Variants in CAMKMT observed in about 807,000 individuals in gnomAD.
The protein encoded by CAMKMT is CaM KMT.
Under a neutral mutation model 48.0 loss-of-function variants are expected in CAMKMT, and 53 were observed. That is an observed-to-expected ratio of 1.10 (90% confidence interval 0.89 to 1.39). CAMKMT has a LOEUF of 1.39. Among genes scored for constraint, CAMKMT ranks in the 40% most tolerant of loss-of-function variants. The pLI is 0.00. For missense variants in CAMKMT, 428 were observed against 402.7 expected, an observed-to-expected ratio of 1.06 and a Z score of -0.54; for synonymous variants, 165 against 152.3, an observed-to-expected ratio of 1.08 and a Z score of -0.61.
At chr2:44,589,323 G>C (rs1439719372) in intron 3 of CAMKMT, among the ~76,000 whole-genome samples, 1 of 50,858 alleles carries the variant, frequency 2.0e-5, no homozygotes, top group Non-Finnish European at 4.2e-5. Flanking sequence ...GCTTCTGCCC[G>C]GCCGCCCCTA....
In CAMKMT at chr2:44,527,302, ATAT is replaced by A. The variant is rs1324614897; in HGVS notation, c.376+137004_376+137006del. Among the ~76,000 whole-genome samples the A allele has an allele frequency of 6.2e-5, 9 of 144,434 alleles. No individual in the cohort carries two copies. The East Asian group carries it at 7.8e-4, about 13-fold the overall frequency. 94.8% of individuals were successfully genotyped at this position (144,434 alleles called of 152,430 possible). ...TATATTATATATATATAATATACAT[ATAT>A]TATTATATATTATACATATATACAT... is the stretch of plus-strand genomic sequence containing the variant. On this transcript the variant is annotated intron_variant, in intron 3 of 10. Transcript: ENST00000378494.
At chr2:44,513,471 C>G (rs1009617906) in intron 3 of CAMKMT, among the ~76,000 whole-genome samples, 1 of 152,066 alleles carries the variant, frequency 6.6e-6, no homozygotes, top group East Asian at 1.9e-4. Flanking sequence ...ATCTCTATTC[C>G]TACTTGTTTT....
At chr2:44,654,974 T>C (rs1674296205) in intron 3 of CAMKMT, among the ~76,000 whole-genome samples, 1 of 152,226 alleles carries the variant, frequency 6.6e-6, no homozygotes, top group Non-Finnish European at 1.5e-5. Flanking sequence ...TTTAGGTTAT[T>C]TTCCATTTTT....
intron 3 of CAMKMT, among the ~76,000 whole-genome samples, chr2:44,466,366 C>T (rs181055346): frequency 6.6e-6 from 1 of 152,204 alleles, no homozygotes; most frequent in East Asian, 1.9e-4. Context: ...AAATCAACAT[C>T]AAAAGGGAAA....
chr2:44,635,976 G>T (rs536705206), intron 3 of CAMKMT, among the ~76,000 whole-genome samples: 1 of 152,146 alleles, frequency 6.6e-6, no homozygotes, highest in Non-Finnish European at 1.5e-5. Flanking sequence ...AGTGGGCTAC[G>T]TGTCAGTTTT....
At chr2:44,412,212 A>C (rs1683253986) in intron 3 of CAMKMT, among the ~76,000 whole-genome samples, 1 of 151,774 alleles carries the variant, frequency 6.6e-6, no homozygotes, top group Non-Finnish European at 1.5e-5. Context: ...TATTCTGTAC[A>C]CCCCCTGCGA....
At chr2:44,757,775 G>A (rs1680441647) in intron 9 of CAMKMT, among the ~76,000 whole-genome samples, 1 of 152,054 alleles carries the variant, frequency 6.6e-6, no homozygotes, top group Admixed American at 6.5e-5. Context: ...TGTTGATCAG[G>A]CTGGTCTCGA....
intron 3 of CAMKMT, chr2:44,392,174 A>G (rs1036360811): frequency 6.6e-6 from 1 of 152,174 alleles, no homozygotes; most frequent in Non-Finnish European, 1.5e-5. Context: ...TTGAACTAAC[A>G]GGGCAGAAAA....
chr2:44,527,785 G>GCCC (rs71393280), intron 3 of CAMKMT, among the ~76,000 whole-genome samples: 2,400 of 84,750 alleles, frequency 0.028, 254 homozygotes, highest in Non-Finnish European at 0.041. Context: ...CATGTGTACA[G>GCCC]CCCCCCCCCC....
chr2:44,756,741 C>CA (rs772893331), intron 9 of CAMKMT, among the ~76,000 whole-genome samples: 3,931 of 80,078 alleles, frequency 0.049, 121 homozygotes, highest in African/African-American at 0.13. Context: ...GACTCTGTCT[C>CA]AAAAAAAAAA....
At chr2:44,601,154 T>C (rs1670963824) in intron 3 of CAMKMT, among the ~76,000 whole-genome samples, 1 of 152,144 alleles carries the variant, frequency 6.6e-6, no homozygotes, top group South Asian at 2.1e-4. Context: ...TATATAAAGG[T>C]ATGCCATTAC....
intron 3 of CAMKMT, among the ~76,000 whole-genome samples, chr2:44,452,320 C>G (rs375788214): frequency 6.6e-6 from 1 of 151,968 alleles, no homozygotes; most frequent in African/African-American, 2.4e-5. Flanking sequence ...AAGCTTCTAA[C>G]TAGGCATAGC....
In CAMKMT at chr2:44,556,031, G is replaced by T. The variant is rs1360283564; in HGVS notation, c.377-148252G>T. Among the ~76,000 whole-genome samples the T allele has an allele frequency of 2.0e-5, 3 of 152,304 alleles. No individual in the cohort carries two copies. The South Asian group carries it at 6.2e-4, about 32-fold the overall frequency. ...TAAAGGAAAATCAAGACATGGGGCA[G>T]CAGAAAGGGGAATGCAGGGTTATAC... On this transcript the variant is annotated intron_variant, in intron 3 of 10. Coordinates refer to ENST00000378494, the MANE Select transcript of CAMKMT (RefSeq NM_024766.5).
intron 3 of CAMKMT, among the ~76,000 whole-genome samples, chr2:44,447,336 C>A (rs1667056668): frequency 6.6e-6 from 1 of 152,138 alleles, no homozygotes; most frequent in African/African-American, 2.4e-5. Context: ...GTTATAATAT[C>A]CCTAAAGGTA....
intron 3 of CAMKMT, chr2:44,549,749 C>T (rs1049701559): frequency 2.5e-5 from 12 of 481,720 alleles, no homozygotes; most frequent in Non-Finnish European, 4.4e-5. Context: ...CTATGTCCTA[C>T]ATGATGTCTG....
At chr2:44,673,524 G>GGAAGGAGGGAAGGAA (rs1558786891) in intron 3 of CAMKMT, among the ~76,000 whole-genome samples, 21 of 58,294 alleles carry the variant, frequency 3.6e-4, no homozygotes, top group African/African-American at 1.3e-3. Flanking sequence ...GAAGGAAGGA[G>GGAAGGAGGGAAGGAA]GGAAGGAAGA....
At chr2:44,674,389 C>T (rs1675547705) in intron 3 of CAMKMT, among the ~76,000 whole-genome samples, 1 of 152,182 alleles carries the variant, frequency 6.6e-6, no homozygotes, top group South Asian at 2.1e-4. Context: ...ACTGCAGGGA[C>T]CATCTTAGTA....
intron 3 of CAMKMT, among the ~76,000 whole-genome samples, chr2:44,691,561 T>A (rs576990927): frequency 2.4e-4 from 36 of 152,348 alleles, no homozygotes; most frequent in African/African-American, 8.2e-4. Flanking sequence ...CTTGAGTAAT[T>A]TTTTATGCCC....
chr2:44,731,356 A>G (rs1265976555), intron 7 of CAMKMT, among the ~76,000 whole-genome samples: 1 of 152,170 alleles, frequency 6.6e-6, no homozygotes, highest in Non-Finnish European at 1.5e-5. Context: ...ACAAACAAAC[A>G]AAAAACAGGA....
Sources: gnomAD v4.1 joint callset for allele counts (sites outside exome capture counted in the v4.1 genomes callset) on GRCh38, gnomAD v4.1.1 for gene constraint, MANE v1.5 for transcripts, NCBI Gene and HGNC (gene_info 2026-07-23, HGNC 2026-07-21) for gene names.